Variants in USP32 observed in about 807,000 individuals in gnomAD.
USP32 encodes the protein ubiquitin carboxyl-terminal hydrolase 32.
Under a neutral mutation model 204.8 loss-of-function variants are expected in USP32, and 59 were observed. The ratio of observed to expected loss-of-function variants is 0.29; its 90% CI spans 0.23 to 0.36. The LOEUF is 0.36. USP32 is among the 10% of genes least tolerant of loss of function. The pLI, the probability that USP32 is intolerant of heterozygous loss-of-function variation, is 1.00. For synonymous variants in USP32, 517 were observed against 678.4 expected (o/e 0.76, Z 3.70); for missense variants, 1,160 against 1,946.4 (o/e 0.60, Z 7.60).
chr17:60,216,258 T>A (rs1285786208), intron 16 of USP32, among the ~76,000 whole-genome samples: 9 of 142,342 alleles, frequency 6.3e-5, no homozygotes, highest in Non-Finnish European at 1.2e-4. Context: ...GGGTATGAAA[T>A]GACAAGAGAT....
At chr17:60,387,058 T>G (rs547275128) in intron 1 of USP32, among the ~76,000 whole-genome samples, 17 of 152,182 alleles carry the variant, frequency 1.1e-4, no homozygotes, top group Non-Finnish European at 2.1e-4. Flanking sequence ...ATTTTAAAAA[T>G]TCATAGGAAG....
chr17:60,202,365 A>G (rs1435641372), intron 26 of USP32, among the ~76,000 whole-genome samples: 1 of 152,088 alleles, frequency 6.6e-6, no homozygotes, highest in East Asian at 1.9e-4. Context: ...TGATATCCTC[A>G]TATCTTACTC....
chr17:60,181,519 C>G lies in USP32; in HGVS notation c.4353G>C (p.Leu1451=), dbSNP rs780109387. 4.3e-6 allele frequency: 7 copies of G among 1,613,896 alleles called. No individual in the cohort carries two copies. Among genetic ancestry groups the G allele is most frequent in the Admixed American group, 3.3e-5 (2 of 60,004 alleles). The change falls in exon 32 of 34, where the codon CTG becomes CTC. Residue 1451 remains leucine, a synonymous_variant. Transcript: ENST00000300896. ...LADALSRGHV[L]GGSQPELVTP... ...TGACCAACTCTGGTTGGCTGCCCCC[C>G]AGCACATGCCCTCGACTCAAGGCGT... is the stretch of plus-strand genomic sequence containing the variant.
chr17:60,326,847 C>T (rs1234364578), intron 2 of USP32, among the ~76,000 whole-genome samples: 1 of 152,100 alleles, frequency 6.6e-6, no homozygotes, highest in African/African-American at 2.4e-5. Context: ...TACTATCCTG[C>T]CAAGTTATTT....
In USP32 at chr17:60,178,636, T is replaced by G. The variant is rs1462853695; in HGVS notation, c.*619A>C. 6.6e-6 allele frequency among the ~76,000 whole-genome samples: 1 copy of G among 152,104 alleles called. No homozygotes were observed. Among genetic ancestry groups the G allele is most frequent in the African/African-American group, 2.4e-5 (1 of 41,410 alleles). ...GACCACTATATGCCCCTGCCACCAATGACTGGTTGTGTCTCAAACATAAAT... is the reference window on the plus strand; with the variant it reads ...GACCACTATATGCCCCTGCCACCAAGGACTGGTTGTGTCTCAAACATAAAT... On this transcript the variant is annotated 3_prime_UTR_variant, in exon 34 of 34. Coordinates refer to ENST00000300896, the MANE Select transcript of USP32 (RefSeq NM_032582.4).
At chr17:60,232,268 G>A (rs188443097) in intron 12 of USP32, among the ~76,000 whole-genome samples, 14 of 149,312 alleles carry the variant, frequency 9.4e-5, no homozygotes, top group African/African-American at 3.0e-4. Context: ...TGCTTCTTGG[G>A]TTTAAGCGAT....
At chr17:60,336,655 G>A (rs2088526719) in intron 2 of USP32, among the ~76,000 whole-genome samples, 1 of 145,334 alleles carries the variant, frequency 6.9e-6, no homozygotes, top group Non-Finnish European at 1.5e-5. Flanking sequence ...GGCGGAGCTT[G>A]CAGTGAGCCG....
chr17:60,356,332 T>C (rs2146039472), intron 1 of USP32, among the ~76,000 whole-genome samples: 1 of 152,282 alleles, frequency 6.6e-6, no homozygotes, highest in South Asian at 2.1e-4. Context: ...GACATATTCC[T>C]GGAAATCCAA....
intron 1 of USP32, among the ~76,000 whole-genome samples, chr17:60,375,736 C>A (rs2089528027): frequency 1.3e-5 from 2 of 151,978 alleles, no homozygotes; most frequent in Non-Finnish European, 2.9e-5. Context: ...CCCCAAGTAG[C>A]TGGGACTACA....
chr17:60,261,211 C>A (rs1201040343), intron 9 of USP32, among the ~76,000 whole-genome samples: 1 of 152,282 alleles, frequency 6.6e-6, no homozygotes, highest in East Asian at 1.9e-4. Context: ...CTAGTGTAAA[C>A]CCATTTTAAT....
intron 11 of USP32, among the ~76,000 whole-genome samples, chr17:60,246,889 G>A (rs889467993): frequency 3.3e-5 from 5 of 151,982 alleles, no homozygotes; most frequent in African/African-American, 9.7e-5. Context: ...GGGTTATTTG[G>A]TTTTTTGTTA....
chr17:60,181,032 G>A (rs2084098160), intron 32 of USP32, among the ~76,000 whole-genome samples: 1 of 151,938 alleles, frequency 6.6e-6, no homozygotes, highest in African/African-American at 2.4e-5. Flanking sequence ...ACAGGCACAT[G>A]CCACCATACC....
intron 2 of USP32, among the ~76,000 whole-genome samples, chr17:60,315,616 C>A (rs550074276): frequency 6.6e-6 from 1 of 152,054 alleles, no homozygotes; most frequent in Admixed American, 6.5e-5. Flanking sequence ...CAAACAGATA[C>A]TTGTATGCCA....
intron 10 of USP32, among the ~76,000 whole-genome samples, 184 bp downstream of exon 10, chr17:60,254,991 C>T (rs778421024): frequency 2.4e-4 from 36 of 151,448 alleles, no homozygotes; most frequent in Non-Finnish European, 3.7e-4. Context: ...CTATTTCCCA[C>T]GTCACGATTT....
chr17:60,328,094 G>C (rs1277725442), intron 2 of USP32, among the ~76,000 whole-genome samples: 1 of 152,246 alleles, frequency 6.6e-6, no homozygotes, highest in Non-Finnish European at 1.5e-5. Context: ...TCCGGGCCAG[G>C]GAGGGCCTGA....
At chr17:60,343,965 C>A (rs963213918) in intron 2 of USP32, among the ~76,000 whole-genome samples, 1 of 151,218 alleles carries the variant, frequency 6.6e-6, no homozygotes, top group African/African-American at 2.4e-5. Context: ...ACCTGGGAGG[C>A]GAAACTTGCC....
At chr17:60,256,918 T>A in intron 9 of USP32, 1 of 391,148 alleles carries the variant, frequency 2.6e-6, no homozygotes, top group Non-Finnish European at 4.8e-6. Context: ...TAAAAAACAC[T>A]GACCAACAAC....
chr17:60,225,081 A>T (rs1391328771), intron 13 of USP32, among the ~76,000 whole-genome samples: 4 of 152,184 alleles, frequency 2.6e-5, no homozygotes, highest in Non-Finnish European at 2.9e-5. Context: ...AGTCCTGGAG[A>T]TGACTATCTT....
chr17:60,228,994 A>G (rs568964362), intron 12 of USP32, among the ~76,000 whole-genome samples: 5 of 152,208 alleles, frequency 3.3e-5, no homozygotes, highest in Admixed American at 3.3e-4. Flanking sequence ...AAAATTTTCC[A>G]TAAACATAAA....
Sources: allele counts gnomAD v4.1 joint callset (sites outside exome capture counted in the v4.1 genomes callset), GRCh38; gene constraint gnomAD v4.1.1; transcripts MANE v1.5; gene names NCBI Gene and HGNC (gene_info 2026-07-23, HGNC 2026-07-21).